Variants in RHBDL3 observed in about 807,000 individuals in gnomAD.
RHBDL3 encodes the protein rhomboid like 3, also known as rhomboid-related protein 3.
Under a neutral mutation model 48.2 loss-of-function variants are expected in RHBDL3, and 28 were observed. That is an observed-to-expected ratio of 0.58 (90% CI 0.43 to 0.80). The LOEUF (loss-of-function observed/expected upper bound fraction) is 0.80, where lower values mean the gene tolerates loss of function less well. Among genes scored for constraint, RHBDL3 ranks in the 30% least tolerant of loss-of-function variants. The probability of loss-of-function intolerance (pLI) is 0.00; values close to 1 mark genes in which losing one functional copy is unlikely to be tolerated. For synonymous variants in RHBDL3, 208 were observed against 232.3 expected, an observed-to-expected ratio of 0.90 and a Z score of 0.95; for missense variants, 464 against 542.7, an observed-to-expected ratio of 0.85 and a Z score of 1.44.
intron 6 of RHBDL3, among the ~76,000 whole-genome samples, chr17:32,301,366 A>C (rs1453968861): frequency 1.3e-5 from 2 of 149,186 alleles, no homozygotes; most frequent in Non-Finnish European, 3.0e-5. Context: ...CCAGAAGTCA[A>C]GACCAGCCTG....
chr17:32,296,420 C>T (rs575357167), intron 5 of RHBDL3, among the ~76,000 whole-genome samples: 211 of 147,280 alleles, frequency 1.4e-3, no homozygotes, highest in African/African-American at 5.1e-3. Flanking sequence ...ACTGCAGCCA[C>T]CACCTCCTGG....
At position 32,324,565 on chromosome 17, in the gene RHBDL3, T is replaced by C. The variant is rs1372392661; in HGVS notation, c.*3336T>C. On this transcript the variant is annotated 3_prime_UTR_variant, in exon 9 of 9. Coordinates refer to ENST00000269051, the MANE Select transcript of RHBDL3 (RefSeq NM_138328.3). Reference sequence around the variant, plus strand: ...CAAAACACAGACTGCAATGTTTGTTTCTAAGTATTTTTGTATTGTGTACAT... The same window carrying C: ...CAAAACACAGACTGCAATGTTTGTTCCTAAGTATTTTTGTATTGTGTACAT... 1 of 152,608 alleles carries C rather than the reference T, an allele frequency of 6.6e-6. No homozygotes were observed. Among genetic ancestry groups the C allele is most frequent in the Non-Finnish European group, 1.5e-5 (1 of 68,042 alleles). The allele number at this position is 152,608 out of a possible 1,614,324, so 9.5% of individuals were successfully genotyped here. A position where few individuals can be genotyped will look rare whatever the true frequency, so the allele number is the denominator to read the frequency against.
intron 2 of RHBDL3, among the ~76,000 whole-genome samples, chr17:32,271,004 T>C (rs1276084183): frequency 6.6e-6 from 1 of 152,106 alleles, no homozygotes; most frequent in African/African-American, 2.4e-5. Context: ...AAGACCAGCC[T>C]GGGCAACATA....
rs1415768151 is a variant in RHBDL3 at position 32,294,481 on chromosome 17, A to G, written c.668+39A>G. ...TTCTTTTGCTCTGTCAAAAGACCCT[A>G]CAGAAAAATAAGTGGTCAAGATAGC... On this transcript the variant is annotated intron_variant, in intron 5 of 8. Transcript: ENST00000269051. The G allele has an allele frequency of 2.5e-6, 4 of 1,572,420 alleles. No homozygotes were observed. The African/African-American group carries it at 4.1e-5, about 16-fold the overall frequency.
intron 2 of RHBDL3, among the ~76,000 whole-genome samples, chr17:32,270,050 G>T (rs7224044): frequency 0.33 from 49,506 of 149,692 alleles, 8,768 homozygotes; most frequent in African/African-American, 0.47. Flanking sequence ...ATTAGGCCAG[G>T]CACAGTGGCT....
chr17:32,278,962 A>C (rs889853746), intron 2 of RHBDL3, among the ~76,000 whole-genome samples: 2 of 151,856 alleles, frequency 1.3e-5, no homozygotes, highest in Non-Finnish European at 1.5e-5. Flanking sequence ...CCCTGTCTCT[A>C]CAAAAAAATT....
Position 32,265,902 on chromosome 17 carries a change from C to T in RHBDL3, c.-288C>T, listed in dbSNP as rs1439487821. Among the ~76,000 whole-genome samples, 2 of 146,562 alleles carry T rather than the reference C, an allele frequency of 1.4e-5. No homozygotes were observed. The highest frequency in any genetic ancestry group is 3.0e-5 in the Non-Finnish European group (2 of 65,782). ...CGGGGCCGGGGCCGGCCCAAGGGCG[C>T]CCTCGCCTCGGAGCCGGGCGCGAGG... On this transcript the variant is annotated 5_prime_UTR_variant, in exon 1 of 9. Coordinates refer to ENST00000269051, the MANE Select transcript of RHBDL3 (RefSeq NM_138328.3).
In RHBDL3 at chr17:32,316,363, C is replaced by T. The variant is rs1463819206; in HGVS notation, c.943+71C>T. The stretch of plus-strand genomic sequence containing the variant: ...CCTGAGGTTCAAAGATGGCACAGTT[C>T]CTGCCCTTCACGGGCTTATGGTCAA... On this transcript the variant is annotated intron_variant, in intron 8 of 8. Transcript: ENST00000269051. 2.7e-5 allele frequency: 32 copies of T among 1,186,342 alleles called. No homozygotes were observed. In the Admixed American group the frequency reaches 5.2e-4, roughly 19 times the overall value. The allele number at this position is 1,186,342 out of a possible 1,614,324, so 73.5% of individuals were successfully genotyped here. A position where few individuals can be genotyped will look rare whatever the true frequency, so the allele number is the denominator to read the frequency against.
At chr17:32,291,433 G>A (rs184260804) in intron 4 of RHBDL3, among the ~76,000 whole-genome samples, 1 of 152,126 alleles carries the variant, frequency 6.6e-6, no homozygotes, top group African/African-American at 2.4e-5. Flanking sequence ...TGTAATTCCA[G>A]CACCTTGGGA....
intron 4 of RHBDL3, among the ~76,000 whole-genome samples, chr17:32,290,690 C>T (rs1215971531): frequency 6.6e-6 from 1 of 152,166 alleles, no homozygotes; most frequent in Non-Finnish European, 1.5e-5. Flanking sequence ...AAGTTTAAAG[C>T]AGACCTGAAT....
rs766164466 is a variant in RHBDL3 at position 32,266,339 on chromosome 17, G to A, written c.111+39G>A. 3.4e-5 allele frequency: 40 copies of A among 1,171,390 alleles called. No homozygotes were observed. In the South Asian group the frequency reaches 5.8e-4, roughly 17 times the overall value. The allele number at this position is 1,171,390 out of a possible 1,614,324, so 72.6% of individuals were successfully genotyped here. ...CCCCGCCCGGCAAACTTTCTAGGGGGCGCCGGGGGGAAAAGCCGCCCCTGT... is the reference window on the plus strand; with the variant it reads ...CCCCGCCCGGCAAACTTTCTAGGGGACGCCGGGGGGAAAAGCCGCCCCTGT... On this transcript the variant is annotated intron_variant, in intron 1 of 8. Transcript: ENST00000269051.
rs2041128007 is a variant in RHBDL3, at chr17:32,321,328, G to A, written c.*99G>A. The stretch of plus-strand genomic sequence containing the variant: ...ATCACCAGCTCAGCTAGGCCGGGCA[G>A]ACAAGGACAGAAGACTCTGGGCCAC... On this transcript the variant is annotated 3_prime_UTR_variant, in exon 9 of 9. Transcript: ENST00000269051. 6.4e-7 allele frequency: 1 copy of A among 1,572,664 alleles called. No homozygotes were observed.
At chr17:32,283,948 G>A (rs1275476348) in intron 2 of RHBDL3, among the ~76,000 whole-genome samples, 3 of 152,168 alleles carry the variant, frequency 2.0e-5, no homozygotes, top group South Asian at 2.1e-4. Context: ...AGGGTGAGTC[G>A]GAGTCTTCCA....
At chr17:32,271,926 C>T (rs1009235670) in intron 2 of RHBDL3, among the ~76,000 whole-genome samples, 4 of 152,138 alleles carry the variant, frequency 2.6e-5, no homozygotes, top group East Asian at 1.9e-4. Context: ...GGCGTGGATC[C>T]GCCGCTTCGG....
intron 7 of RHBDL3, among the ~76,000 whole-genome samples, chr17:32,310,216 C>T (rs2040811043): frequency 6.6e-6 from 1 of 152,206 alleles, no homozygotes; most frequent in Admixed American, 6.5e-5. Context: ...TGAATTTTCA[C>T]AAACTGAACC....
chr17:32,311,680 C>T (rs543248300), intron 7 of RHBDL3, among the ~76,000 whole-genome samples: 2 of 152,186 alleles, frequency 1.3e-5, no homozygotes, highest in African/African-American at 4.8e-5. Context: ...ACTCATAAAG[C>T]GGGCCTGGGA....
At chr17:32,277,398 T>A (rs1302592538) in intron 2 of RHBDL3, among the ~76,000 whole-genome samples, 1 of 152,222 alleles carries the variant, frequency 6.6e-6, no homozygotes, top group East Asian at 1.9e-4. Flanking sequence ...GCTGGGCAAA[T>A]TCTGAAGCCT....
intron 7 of RHBDL3, among the ~76,000 whole-genome samples, chr17:32,312,259 G>C (rs2150750469): frequency 6.6e-6 from 1 of 152,138 alleles, no homozygotes; most frequent in Middle Eastern, 3.4e-3. Context: ...AACATAGGGA[G>C]ACCCCATCTC....
rs1161721366 is a variant in RHBDL3 at position 32,288,952 on chromosome 17, G to T, written c.455G>T (p.Trp152Leu). 1 of 1,614,082 alleles carries T rather than the reference G, an allele frequency of 6.2e-7. No homozygotes were observed. The highest frequency in any genetic ancestry group is 8.5e-7 in the Non-Finnish European group (1 of 1,180,060). The change falls in exon 4 of 9, where the codon TGG becomes TTG. Residue 152 changes from tryptophan to leucine, a missense_variant. Coordinates refer to ENST00000269051, the MANE Select transcript of RHBDL3 (RefSeq NM_138328.3). ...CTGCCCCGGGAAATTGACCGCAAGTGGTACTATGACAGCTACACCTGCTGC... is the reference window on the plus strand; with the variant it reads ...CTGCCCCGGGAAATTGACCGCAAGTTGTACTATGACAGCTACACCTGCTGC... ...ETLPREIDRK[W>L]YYDSYTCCPP...
Sources: gnomAD v4.1 joint callset for allele counts (sites outside exome capture counted in the v4.1 genomes callset) on GRCh38, gnomAD v4.1.1 for gene constraint, MANE v1.5 for transcripts, NCBI Gene and HGNC (gene_info 2026-07-23, HGNC 2026-07-21) for gene names.